Variants in ALG12 observed in about 807,000 individuals in gnomAD.
ALG12 encodes the protein ALG12 alpha-1,6-mannosyltransferase, also known as dol-P-Man:Man(7)GlcNAc(2)-PP-Dol alpha-1,6-mannosyltransferase.
Under a neutral mutation model 46.0 loss-of-function variants are expected in ALG12, and 36 were observed. The ratio of observed to expected loss-of-function variants is 0.78; its 90% CI spans 0.60 to 1.03. The LOEUF (loss-of-function observed/expected upper bound fraction) is 1.03, where lower values mean the gene tolerates loss of function less well. Among genes scored for constraint, ALG12 ranks in the 50% least tolerant of loss-of-function variants. The probability of loss-of-function intolerance (pLI) is 0.00; values close to 1 mark genes in which losing one functional copy is unlikely to be tolerated. For synonymous variants in ALG12, 326 were observed against 291.6 expected (o/e 1.12, Z -1.20); for missense variants, 599 against 633.5 (o/e 0.95, Z 0.58).
chr22:49,883,817 C>T, the ALG12 span: 1 of 1,612,840 alleles, frequency 6.2e-7, no homozygotes. Context: ...ATGAAGCAGA[C>T]AGACAGCGGT....
chr22:49,884,934 G>A, the ALG12 span: 88 of 1,607,414 alleles, frequency 5.5e-5, no homozygotes, highest in Non-Finnish European at 6.9e-5. Flanking sequence ...GGGAGGCCTC[G>A]GCGTCCTCTC....
At chr22:49,884,550 G>A in the ALG12 span, 1 of 1,613,526 alleles carries the variant, frequency 6.2e-7, no homozygotes, top group Non-Finnish European at 8.5e-7. Context: ...ACTTCTACCT[G>A]TCGCCACTGG....
downstream of ALG12, among the ~76,000 whole-genome samples, chr22:49,898,085 G>C (rs2060490902): frequency 6.6e-6 from 1 of 150,802 alleles, no homozygotes; most frequent in South Asian, 2.1e-4. Context: ...GCCCAGCCTT[G>C]ACCTCCTGGG....
chr22:49,867,360 C>T, the ALG12 span, among the ~76,000 whole-genome samples: 2 of 152,190 alleles, frequency 1.3e-5, no homozygotes, highest in Non-Finnish European at 2.9e-5. Context: ...GAAGCGTGTG[C>T]CAGGCGGCGG....
the ALG12 span, among the ~76,000 whole-genome samples, chr22:49,869,627 C>T: frequency 3.3e-5 from 5 of 152,148 alleles, no homozygotes; most frequent in East Asian, 7.7e-4. Context: ...AAAAAGTCAG[C>T]AGTGTATCTC....
At position 49,918,312 on chromosome 22, in the gene ALG12, C is replaced by G. The variant is rs1423394172; in HGVS notation, c.-128G>C. 1 of 152,224 alleles carries G rather than the reference C, an allele frequency of 6.6e-6. No individual in the cohort carries two copies. The highest frequency in any genetic ancestry group is 1.5e-5 in the Non-Finnish European group (1 of 68,266). The allele number at this position is 152,224 out of a possible 1,614,324, so 9.4% of individuals were successfully genotyped here. On this transcript the variant is annotated 5_prime_UTR_variant, in exon 1 of 10. Coordinates refer to ENST00000330817, the MANE Select transcript of ALG12 (RefSeq NM_024105.4). Reference sequence around the variant, plus strand: ...TCGAAGCGCGGCTGCCTGGGCCAGCCTCGGCAGGAAGCAGGACGGCGGAAA... The same window carrying G: ...TCGAAGCGCGGCTGCCTGGGCCAGCGTCGGCAGGAAGCAGGACGGCGGAAA...
chr22:49,862,502 TATG>T, the ALG12 span, among the ~76,000 whole-genome samples: 1 of 152,074 alleles, frequency 6.6e-6, no homozygotes, highest in East Asian at 1.9e-4. Context: ...TAATGAGTCA[TATG>T]ATAAGATGGA....
At chr22:49,898,246 G>A (rs535925624), downstream of ALG12, among the ~76,000 whole-genome samples, 97 of 151,828 alleles carry the variant, frequency 6.4e-4, 1 homozygote, top group African/African-American at 2.3e-3. Flanking sequence ...AGGCTTAAGC[G>A]ATCCTCCTTC....
chr22:49,872,541 G>T, the ALG12 span, among the ~76,000 whole-genome samples: 2 of 152,048 alleles, frequency 1.3e-5, no homozygotes, highest in Admixed American at 6.6e-5. Context: ...TGTTTTTGTT[G>T]TTTTTAGAGA....
At chr22:49,881,556 G>C in the ALG12 span, among the ~76,000 whole-genome samples, 2 of 152,102 alleles carry the variant, frequency 1.3e-5, no homozygotes, top group Non-Finnish European at 2.9e-5. Flanking sequence ...GGCTAATTTT[G>C]TTTGTAAAGA....
Position 49,901,864 on chromosome 22 carries a change from G to C in ALG12, c.*1974C>G, listed in dbSNP as rs1451065984. 7.1e-6 allele frequency: 1 copy of C among 140,016 alleles called. No individual in the cohort carries two copies. The highest frequency in any genetic ancestry group is 1.5e-5 in the Non-Finnish European group (1 of 64,750). The allele number at this position is 140,016 out of a possible 1,614,324, so 8.7% of individuals were successfully genotyped here. ...TGTGTGCACGTGTGCACTGTGTGTG[G>C]TGTGTATTCATGGTGTGTGCACGTG... On this transcript the variant is annotated 3_prime_UTR_variant, in exon 10 of 10. Transcript: ENST00000330817.
At chr22:49,877,136 G>A in the ALG12 span, among the ~76,000 whole-genome samples, 97,843 of 152,046 alleles carry the variant, frequency 0.64, 35,665 homozygotes, top group East Asian at 0.85. Context: ...TTTCCTAAAC[G>A]AGAAAAAGAT....
the ALG12 span, among the ~76,000 whole-genome samples, chr22:49,859,746 C>T: frequency 6.6e-6 from 1 of 152,182 alleles, no homozygotes; most frequent in East Asian, 1.9e-4. Flanking sequence ...TGTAGTTTTG[C>T]GGGGTGTGGT....
chr22:49,879,525 C>T, the ALG12 span, among the ~76,000 whole-genome samples: 16 of 151,374 alleles, frequency 1.1e-4, no homozygotes, highest in South Asian at 4.2e-4. Context: ...TGTCCTTGTC[C>T]ACTAATTTTA....
At chr22:49,895,169 G>A in the ALG12 span, among the ~76,000 whole-genome samples, 1 of 152,302 alleles carries the variant, frequency 6.6e-6, no homozygotes, top group South Asian at 2.1e-4. Context: ...GCTGTATTCA[G>A]TATTTTATCA....
the ALG12 span, among the ~76,000 whole-genome samples, chr22:49,869,104 CAA>C: frequency 7.7e-6 from 1 of 130,022 alleles, no homozygotes; most frequent in Non-Finnish European, 1.6e-5. Flanking sequence ...GCCTGGGCAA[CAA>C]GAGCAAAACT....
the ALG12 span, chr22:49,885,562 G>A: frequency 6.2e-7 from 1 of 1,603,898 alleles, no homozygotes; most frequent in Non-Finnish European, 8.5e-7. Context: ...GCGGGGCACA[G>A]AATTATCAGG....
chr22:49,890,640 CG>C, the ALG12 span, among the ~76,000 whole-genome samples: 1 of 152,164 alleles, frequency 6.6e-6, no homozygotes. Flanking sequence ...GCATTGTCAT[CG>C]TGGAGAAAGA....
At chr22:49,908,614 TG>T (rs1224329026) in intron 6 of ALG12, among the ~76,000 whole-genome samples, 1 of 145,240 alleles carries the variant, frequency 6.9e-6, no homozygotes, top group Non-Finnish European at 1.5e-5. Context: ...GTTCCATCTA[TG>T]CGTGTATGTT....
Sources: gnomAD v4.1 joint callset for allele counts (sites outside exome capture counted in the v4.1 genomes callset) on GRCh38, gnomAD v4.1.1 for gene constraint, MANE v1.5 for transcripts, NCBI Gene and HGNC (gene_info 2026-07-23, HGNC 2026-07-21) for gene names.